The following MOB1B variants were observed in gnomAD, a reference collection of about 807,000 sequenced individuals.
MOB1B encodes MOB1 Mps One Binder homolog B.
Under a neutral mutation model 24.4 loss-of-function variants are expected in MOB1B, and 19 were observed. The observed-to-expected ratio is 0.78, with a 90% confidence interval of 0.54 to 1.14. The LOEUF (loss-of-function observed/expected upper bound fraction) is 1.14, where lower values mean the gene tolerates loss of function less well. Among genes scored for constraint, MOB1B ranks in the 50% most tolerant of loss-of-function variants. The pLI is 0.00. For synonymous variants in MOB1B, 76 were observed against 82.1 expected, an observed-to-expected ratio of 0.93 and a Z score of 0.40; for missense variants, 243 against 259.6, an observed-to-expected ratio of 0.94 and a Z score of 0.44.
chr4:70,978,012 A>G (rs776263635), intron 4 of MOB1B, among the ~76,000 whole-genome samples: 7 of 152,142 alleles, frequency 4.6e-5, no homozygotes, highest in Non-Finnish European at 1.0e-4. Flanking sequence ...ACTATTTGTA[A>G]CTATGGTCCT....
intron 1 of MOB1B, among the ~76,000 whole-genome samples, chr4:70,956,975 C>G (rs1373486407): frequency 6.6e-6 from 1 of 151,900 alleles, no homozygotes; most frequent in Non-Finnish European, 1.5e-5. Context: ...GTAATGCAGC[C>G]AGGGGTTGAG....
At chr4:70,923,678 G>C (rs190733595) in intron 1 of MOB1B, among the ~76,000 whole-genome samples, 255 of 152,040 alleles carry the variant, frequency 1.7e-3, no homozygotes, top group African/African-American at 5.9e-3. Context: ...GGCCGGGTGC[G>C]GTGGCTCAAG....
At chr4:70,942,317 A>T (rs1336965250) in intron 1 of MOB1B, among the ~76,000 whole-genome samples, 4 of 151,958 alleles carry the variant, frequency 2.6e-5, no homozygotes. Context: ...GTGGTCTATT[A>T]AATATTTAAT....
chr4:70,941,564 A>G (rs1423354678), intron 1 of MOB1B, among the ~76,000 whole-genome samples: 1 of 152,014 alleles, frequency 6.6e-6, no homozygotes, highest in East Asian at 1.9e-4. Context: ...GATGGTCTCG[A>G]TCTCCTGACC....
At chr4:70,969,794 G>A (rs1738682062) in intron 2 of MOB1B, 137 bp from the exon 3 acceptor site, 1 of 399,374 alleles carries the variant, frequency 2.5e-6, no homozygotes, top group Non-Finnish European at 4.5e-6. Flanking sequence ...TCAATGTATT[G>A]ATACTTCTGT....
intron 3 of MOB1B, among the ~76,000 whole-genome samples, chr4:70,972,376 G>A (rs1048049229): frequency 1.3e-5 from 2 of 151,856 alleles, no homozygotes; most frequent in African/African-American, 2.4e-5. Flanking sequence ...CACCATACCC[G>A]GCTATTTTTG....
intron 1 of MOB1B, among the ~76,000 whole-genome samples, chr4:70,921,808 G>A (rs1309200526): frequency 1.3e-5 from 2 of 151,940 alleles, no homozygotes; most frequent in African/African-American, 2.4e-5. Context: ...TGCCTGGCCC[G>A]CATTTCTTTA....
At chr4:70,958,551 A>T in intron 1 of MOB1B, 1 of 363,300 alleles carries the variant, frequency 2.8e-6, no homozygotes, top group Non-Finnish European at 5.3e-6. Flanking sequence ...TAAGAAGGAA[A>T]CAAATTTATT....
At chr4:70,908,456 A>G (rs531913044) in intron 1 of MOB1B, among the ~76,000 whole-genome samples, 20 of 151,558 alleles carry the variant, frequency 1.3e-4, no homozygotes, top group African/African-American at 4.6e-4. Flanking sequence ...ACTGTGCTAC[A>G]TACCTTCCAT....
intron 5 of MOB1B, among the ~76,000 whole-genome samples, chr4:70,980,447 T>C (rs1739163225): frequency 6.6e-6 from 1 of 152,184 alleles, no homozygotes; most frequent in South Asian, 2.1e-4. Flanking sequence ...TCCTAGCAAA[T>C]AGCAAGGGAT....
chr4:70,965,238 C>T (rs1033358027), intron 2 of MOB1B, among the ~76,000 whole-genome samples: 7 of 130,524 alleles, frequency 5.4e-5, no homozygotes, highest in African/African-American at 1.2e-4. Flanking sequence ...CAGAGGTTGC[C>T]GTGAGCCAAG....
Position 70,935,464 on chromosome 4 carries a change from T to G in MOB1B, c.15-23410T>G, listed in dbSNP as rs141379670. On this transcript the variant is annotated intron_variant, in intron 1 of 5. Coordinates refer to ENST00000309395, the MANE Select transcript of MOB1B (RefSeq NM_173468.4). Reference sequence around the variant, plus strand: ...GCAACATAAACTGGGACCCTCTGATTGCTCTCTGAAGTCTCGCCTGTGGAG... The same window carrying G: ...GCAACATAAACTGGGACCCTCTGATGGCTCTCTGAAGTCTCGCCTGTGGAG... Among the ~76,000 whole-genome samples, 22 of 152,360 alleles carry G rather than the reference T, an allele frequency of 1.4e-4. No homozygotes were observed. The East Asian group carries it at 4.2e-3, about 29-fold the overall frequency.
chr4:70,929,140 C>A (rs1736772743), intron 1 of MOB1B, among the ~76,000 whole-genome samples: 1 of 150,624 alleles, frequency 6.6e-6, no homozygotes, highest in South Asian at 2.1e-4. Context: ...CAAATAATTT[C>A]TGTCCCCTGT....
At chr4:70,974,922 G>T (rs762298840) in intron 3 of MOB1B, among the ~76,000 whole-genome samples, 4 of 152,148 alleles carry the variant, frequency 2.6e-5, no homozygotes, top group Non-Finnish European at 4.4e-5. Context: ...TAAAAAAATG[G>T]ACATGTGAGG....
chr4:70,928,947 T>TA (rs1425240996), intron 1 of MOB1B, among the ~76,000 whole-genome samples: 1 of 152,112 alleles, frequency 6.6e-6, no homozygotes, highest in African/African-American at 2.4e-5. Context: ...GATTGTCATA[T>TA]ACCAGGCACA....
At chr4:70,927,166 T>C (rs1372783129) in intron 1 of MOB1B, among the ~76,000 whole-genome samples, 1 of 152,190 alleles carries the variant, frequency 6.6e-6, no homozygotes, top group African/African-American at 2.4e-5. Context: ...AGATATTGCA[T>C]TGAGTATACA....
chr4:70,920,223 C>T (rs1294147720), intron 1 of MOB1B, among the ~76,000 whole-genome samples: 2 of 151,896 alleles, frequency 1.3e-5, no homozygotes, highest in Non-Finnish European at 2.9e-5. Context: ...TCCTCTTCCT[C>T]CTCCTCCTCT....
rs766734722 is a variant in MOB1B at position 70,981,931 on chromosome 4, C to G, written c.574-49C>G. 1.0e-5 allele frequency: 12 copies of G among 1,192,734 alleles called. No individual in the cohort carries two copies. In the South Asian group the frequency reaches 1.5e-4, roughly 15 times the overall value. The allele number at this position is 1,192,734 out of a possible 1,614,324, so 73.9% of individuals were successfully genotyped here. A position where few individuals can be genotyped will look rare whatever the true frequency, so the allele number is the denominator to read the frequency against. The stretch of plus-strand genomic sequence containing the variant: ...TGGTAATTTACTTTGGAATAAGATG[C>G]AAATAATGTTTTTGCTATTTATTCT... On this transcript the variant is annotated intron_variant, in intron 5 of 5. Transcript: ENST00000309395.
Position 70,958,924 on chromosome 4 carries a change from G to A in MOB1B, c.65G>A (p.Gly22Asp). 1 of 1,614,062 alleles carries A rather than the reference G, an allele frequency of 6.2e-7. No individual in the cohort carries two copies. Among genetic ancestry groups the A allele is most frequent in the Middle Eastern group, 1.6e-4 (1 of 6,062 alleles). ...TFKPKKNIPE[G>D]SHQYELLKHA... The stretch of plus-strand genomic sequence containing the variant: ...AAACCAAAGAAGAACATTCCAGAGG[G>A]TTCTCACCAGTATGAGCTCTTAAAA... The change falls in exon 2 of 6, where the codon GGT becomes GAT. Residue 22 changes from glycine (G) to aspartate (D), a missense_variant. Transcript: ENST00000309395.
Sources: gnomAD v4.1 joint callset for allele counts (sites outside exome capture counted in the v4.1 genomes callset) on GRCh38, gnomAD v4.1.1 for gene constraint, MANE v1.5 for transcripts, NCBI Gene and HGNC (gene_info 2026-07-23, HGNC 2026-07-21) for gene names.